The following PLA2G4A variants were observed in gnomAD, a reference collection of about 807,000 sequenced individuals.
The protein encoded by PLA2G4A is phospholipase A2 group IVA, also known as cytosolic phospholipase A2.
PLA2G4A carries 40 observed loss-of-function variants against 81.9 expected under a neutral mutation model. That is an observed-to-expected ratio of 0.49 (90% confidence interval 0.38 to 0.64). The LOEUF is 0.64. Ranked by LOEUF, PLA2G4A falls within the 30% of genes least tolerant of loss-of-function variation. The pLI, the probability that PLA2G4A is intolerant of heterozygous loss-of-function variation, is 0.00. For missense variants in PLA2G4A, 715 were observed against 905.1 expected (o/e 0.79, Z 2.69); for synonymous variants, 302 against 296.9 (o/e 1.02, Z -0.18).
At chr1:186,912,790 ATATATG>A (rs1302815918) in intron 7 of PLA2G4A, among the ~76,000 whole-genome samples, 2 of 141,292 alleles carry the variant, frequency 1.4e-5, no homozygotes, top group African/African-American at 5.5e-5. Flanking sequence ...ATACTTATAT[ATATATG>A]TATATATATA....
chr1:186,943,520 C>CTAGACCTGACATAAGTGTG (rs1192053644), intron 10 of PLA2G4A, among the ~76,000 whole-genome samples: 3 of 152,030 alleles, frequency 2.0e-5, no homozygotes, highest in Admixed American at 6.6e-5. Flanking sequence ...TATAATATAC[C>CTAGACCTGACATAAGTGTG]TAGACCTGAC....
In PLA2G4A at chr1:186,924,352, G is replaced by A. The variant is rs532677140; in HGVS notation, c.559-8411G>A. Among the ~76,000 whole-genome samples the A allele has an allele frequency of 9.5e-4, 145 of 152,242 alleles. 1 individual carries two copies. Among genetic ancestry groups the A allele is most frequent in the African/African-American group, 3.2e-3 (134 of 41,538 alleles). ...CCTTTAGACACCAGTGCTAATAAATGCACAGGATCTTGTTCTTGCCCTATC... is the reference window on the plus strand; with the variant it reads ...CCTTTAGACACCAGTGCTAATAAATACACAGGATCTTGTTCTTGCCCTATC... On this transcript the variant is annotated intron_variant, in intron 7 of 17. Coordinates refer to ENST00000367466, the MANE Select transcript of PLA2G4A (RefSeq NM_024420.3).
In PLA2G4A at chr1:186,904,859, A is replaced by T. The variant is rs917911909; in HGVS notation, c.379-2106A>T. Among the ~76,000 whole-genome samples, 111 of 86,654 alleles carry T rather than the reference A, an allele frequency of 1.3e-3. 1 individual carries two copies. Among genetic ancestry groups the T allele is most frequent in the Admixed American group, 7.8e-4 (6 of 7,680 alleles). The allele number at this position is 86,654 out of a possible 152,430, so 56.8% of individuals were successfully genotyped here. A position where few individuals can be genotyped will look rare whatever the true frequency, so the allele number is the denominator to read the frequency against. On this transcript the variant is annotated intron_variant, in intron 5 of 17. Transcript: ENST00000367466. ...AACAAACAGGCAGGGATATATATAT[A>T]TTTTTTTTTTTGAGACAGAATTTTC... is the stretch of plus-strand genomic sequence containing the variant.
intron 8 of PLA2G4A, among the ~76,000 whole-genome samples, chr1:186,934,445 T>C (rs796417160): frequency 0.013 from 1,043 of 79,800 alleles, 30 homozygotes; most frequent in African/African-American, 0.097. Flanking sequence ...AATGTGCACA[T>C]ATATATATAT....
Position 186,956,265 on chromosome 1 carries a change from A to G in PLA2G4A, c.1500A>G (p.Thr500=). The change falls in exon 14 of 18, where the codon ACA becomes ACG. Residue 500 remains threonine (T), a synonymous_variant. Coordinates refer to ENST00000367466, the MANE Select transcript of PLA2G4A (RefSeq NM_024420.3). ...TCATGCTGGGCTTGAATCTCAATAC[A>G]TCTTATCCACTGTCTCCTTTGAGTG... is the stretch of plus-strand genomic sequence containing the variant. The part of the protein sequence containing the change: ...HNFMLGLNLN[T]SYPLSPLSDF... The G allele has an allele frequency of 1.2e-6, 2 of 1,613,728 alleles. No individual in the cohort carries two copies. The highest frequency in any genetic ancestry group is 2.2e-5 in the East Asian group (1 of 44,850).
intron 7 of PLA2G4A, among the ~76,000 whole-genome samples, chr1:186,923,348 G>A (rs1346656663): frequency 6.6e-6 from 1 of 152,116 alleles, no homozygotes; most frequent in Non-Finnish European, 1.5e-5. Context: ...AAACTTTTCG[G>A]TAGCAATTCT....
chr1:186,930,416 A>G (rs1415929810), intron 7 of PLA2G4A, among the ~76,000 whole-genome samples: 1 of 152,192 alleles, frequency 6.6e-6, no homozygotes, highest in Admixed American at 6.5e-5. Flanking sequence ...GCAACATACC[A>G]TAAGCATCTT....
At chr1:186,904,462 A>C (rs1022586709) in intron 5 of PLA2G4A, among the ~76,000 whole-genome samples, 16 of 152,256 alleles carry the variant, frequency 1.1e-4, no homozygotes, top group African/African-American at 3.1e-4. Context: ...TTCTAGGTAA[A>C]AGGTGCAGAG....
chr1:186,871,211 G>C (rs1653255887), intron 3 of PLA2G4A, among the ~76,000 whole-genome samples: 1 of 152,160 alleles, frequency 6.6e-6, no homozygotes, highest in Non-Finnish European at 1.5e-5. Flanking sequence ...TGAGGATAAT[G>C]CTGAATTAAC....
chr1:186,888,418 C>T (rs1654015935), intron 3 of PLA2G4A, among the ~76,000 whole-genome samples: 1 of 152,006 alleles, frequency 6.6e-6, no homozygotes, highest in Non-Finnish European at 1.5e-5. Flanking sequence ...TCACTTGCAG[C>T]TTGCTCCTTC....
At chr1:186,962,486 T>TTTTATTTTATTTA (rs1553221216) in intron 14 of PLA2G4A, among the ~76,000 whole-genome samples, 52 of 136,694 alleles carry the variant, frequency 3.8e-4, no homozygotes, top group African/African-American at 1.5e-3. Context: ...AGTTATTTTA[T>TTTTATTTTATTTA]TTTATTTATT....
At chr1:186,953,674 G>T (rs1162609262) in intron 13 of PLA2G4A, among the ~76,000 whole-genome samples, 1 of 152,052 alleles carries the variant, frequency 6.6e-6, no homozygotes, top group African/African-American at 2.4e-5. Context: ...CATACAAAAG[G>T]GCTCTAAGTT....
intron 5 of PLA2G4A, among the ~76,000 whole-genome samples, chr1:186,900,202 T>C (rs952913507): frequency 5.3e-5 from 8 of 152,172 alleles, no homozygotes; most frequent in African/African-American, 1.9e-4. Context: ...ATGATTCTCC[T>C]ACTTATTAAC....
chr1:186,971,614 C>A (rs1227541584), intron 15 of PLA2G4A, among the ~76,000 whole-genome samples: 4 of 151,866 alleles, frequency 2.6e-5, no homozygotes, highest in Non-Finnish European at 5.9e-5. Flanking sequence ...ACAAAATAAT[C>A]TTTTCAGGCA....
At chr1:186,854,447 T>A in intron 2 of PLA2G4A, 60 bp downstream of exon 2, 4 of 1,086,930 alleles carry the variant, frequency 3.7e-6, no homozygotes, top group Non-Finnish European at 5.7e-6. Context: ...TTTCTGTGAA[T>A]ATTGCGGGTG....
At position 186,939,146 on chromosome 1, in the gene PLA2G4A, T is replaced by C. The variant is rs1471215927; in HGVS notation, c.834T>C (p.Ser278=). Residue 278 remains serine, a synonymous_variant, in exon 9 of 18, where the codon TCT becomes TCC. Transcript: ENST00000367466. ...AGAAAGTTAAAAGATATGTTGAGTC[T>C]TTATGGAAGAAGAAAAGCTCTGGAC... is the stretch of plus-strand genomic sequence containing the variant. ...TPQKVKRYVE[S]LWKKKSSGQP... The C allele has an allele frequency of 5.0e-6, 8 of 1,610,472 alleles. No individual in the cohort carries two copies. The South Asian group carries it at 5.5e-5, about 11-fold the overall frequency.
At chr1:186,874,448 C>T (rs763786926) in intron 3 of PLA2G4A, among the ~76,000 whole-genome samples, 17 of 151,946 alleles carry the variant, frequency 1.1e-4, no homozygotes, top group Non-Finnish European at 1.9e-4. Flanking sequence ...ACTATTAGAG[C>T]CATGTTTCAC....
intron 10 of PLA2G4A, among the ~76,000 whole-genome samples, chr1:186,941,320 T>G (rs12720610): frequency 0.012 from 1,771 of 152,270 alleles, 41 homozygotes; most frequent in African/African-American, 0.04. Flanking sequence ...AGAATCCTTT[T>G]GTAATTTTCA....
At chr1:186,863,657 C>T (rs973755350) in intron 2 of PLA2G4A, among the ~76,000 whole-genome samples, 3 of 152,144 alleles carry the variant, frequency 2.0e-5, no homozygotes, top group African/African-American at 4.8e-5. Flanking sequence ...TCTTCCCTAG[C>T]CTCTGGTAAC....
Sources: gnomAD v4.1 joint callset for allele counts (sites outside exome capture counted in the v4.1 genomes callset) on GRCh38, gnomAD v4.1.1 for gene constraint, MANE v1.5 for transcripts, NCBI Gene and HGNC (gene_info 2026-07-23, HGNC 2026-07-21) for gene names.